Variants in VTA1 observed in about 807,000 individuals in gnomAD.
The protein encoded by VTA1 is vesicle trafficking 1, also known as vacuolar protein sorting-associated protein VTA1 homolog.
A neutral mutation model predicts 36.9 loss-of-function variants in VTA1; 24 were observed. The ratio of observed to expected loss-of-function variants is 0.65; its 90% CI spans 0.47 to 0.91. VTA1 has a LOEUF of 0.91. Among genes scored for constraint, VTA1 ranks in the 40% least tolerant of loss-of-function variants. The pLI, the probability that VTA1 is intolerant of heterozygous loss-of-function variation, is 0.00. For missense variants in VTA1, 393 were observed against 377.2 expected (o/e 1.04, Z -0.35); for synonymous variants, 142 against 130.2 (o/e 1.09, Z -0.62).
intron 4 of VTA1, among the ~76,000 whole-genome samples, chr6:142,180,635 G>A (rs1562262051): frequency 6.6e-6 from 1 of 152,098 alleles, no homozygotes; most frequent in South Asian, 2.1e-4. Context: ...ATTCAATAAT[G>A]AGAAAACTTG....
At chr6:142,185,836 G>A (rs1775329803) in intron 4 of VTA1, among the ~76,000 whole-genome samples, 1 of 152,148 alleles carries the variant, frequency 6.6e-6, no homozygotes. Flanking sequence ...AGAAATTTCA[G>A]TTAGAATCAG....
Position 142,198,434 on chromosome 6 carries a change from G to C in VTA1, c.521-5G>C. On this transcript the variant is annotated splice_region_variant and splice_polypyrimidine_tract_variant and intron_variant, in intron 5 of 7. Coordinates refer to ENST00000367630, the MANE Select transcript of VTA1 (RefSeq NM_016485.5). Reference sequence around the variant, plus strand: ...CTGTAACATTGTGTATATGTGATCTGATAGATATTGAAGAAAATGAAGATG... The same window carrying C: ...CTGTAACATTGTGTATATGTGATCTCATAGATATTGAAGAAAATGAAGATG... 6.2e-7 allele frequency: 1 copy of C among 1,613,684 alleles called. No homozygotes were observed. The highest frequency in any genetic ancestry group is 8.5e-7 in the Non-Finnish European group (1 of 1,179,766).
rs11441518 is a variant in VTA1, at chr6:142,215,440, C to CAA, written c.779-3047_779-3046dup. Among the ~76,000 whole-genome samples, 1,107 of 147,004 alleles carry CAA rather than the reference C, an allele frequency of 7.5e-3. 21 individuals carry two copies. The highest frequency in any genetic ancestry group is 0.025 in the African/African-American group (1,001 of 40,064). On this transcript the variant is annotated intron_variant, in intron 7 of 7. Coordinates refer to ENST00000367630, the MANE Select transcript of VTA1 (RefSeq NM_016485.5). ...TGGGCGACAGAGTGAGACTCCATCT[C>CAA]AAAAAAAAAAAAGTTTTTTGAGCAT...
At chr6:142,152,108 T>C (rs899253416) in intron 1 of VTA1, among the ~76,000 whole-genome samples, 1 of 140,800 alleles carries the variant, frequency 7.1e-6, no homozygotes, top group Non-Finnish European at 1.6e-5. Context: ...TTGTTATTAC[T>C]ATTTTTTTTT....
At chr6:142,185,091 C>G (rs968373908) in intron 4 of VTA1, among the ~76,000 whole-genome samples, 6 of 152,088 alleles carry the variant, frequency 3.9e-5, no homozygotes, top group African/African-American at 1.4e-4. Flanking sequence ...TTTTTCACAT[C>G]TTACCCATCT....
At chr6:142,148,116 TTATTTTG>T (rs1371435354) in intron 1 of VTA1, among the ~76,000 whole-genome samples, 1 of 152,230 alleles carries the variant, frequency 6.6e-6, no homozygotes, top group Non-Finnish European at 1.5e-5. Context: ...TGTGTTAACT[TTATTTTG>T]TATTCTGTAC....
intron 1 of VTA1, among the ~76,000 whole-genome samples, chr6:142,160,286 T>C (rs1582877728): frequency 6.6e-6 from 1 of 152,232 alleles, no homozygotes; most frequent in Non-Finnish European, 1.5e-5. Context: ...GGGTAACATA[T>C]AGAACTCTTC....
chr6:142,162,192 C>T (rs914030738), intron 1 of VTA1, among the ~76,000 whole-genome samples: 7 of 152,142 alleles, frequency 4.6e-5, no homozygotes, highest in African/African-American at 1.4e-4. Flanking sequence ...GTATGTGCTG[C>T]GTTAATTATC....
chr6:142,166,874 C>T (rs1774927792), intron 2 of VTA1, among the ~76,000 whole-genome samples: 1 of 152,332 alleles, frequency 6.6e-6, no homozygotes. Context: ...TATACACTCA[C>T]CTCAGCCTCC....
At position 142,176,986 on chromosome 6, in the gene VTA1, G is replaced by T. The variant is rs535272220; in HGVS notation, c.411+6565G>T. Among the ~76,000 whole-genome samples the T allele has an allele frequency of 3.9e-4, 59 of 152,200 alleles. No individual in the cohort carries two copies. In the Middle Eastern group the frequency reaches 0.014, roughly 35 times the overall value. ...CGTGTGTACTGGAACGTTTCAAAGT[G>T]AGCAACATCTTATTATTAGCCTAGA... is the stretch of plus-strand genomic sequence containing the variant. On this transcript the variant is annotated intron_variant, in intron 4 of 7. Coordinates refer to ENST00000367630, the MANE Select transcript of VTA1 (RefSeq NM_016485.5).
At chr6:142,150,845 G>C (rs1001167792) in intron 1 of VTA1, among the ~76,000 whole-genome samples, 1 of 151,456 alleles carries the variant, frequency 6.6e-6, no homozygotes, top group African/African-American at 2.4e-5. Context: ...CTGGGAGGCA[G>C]AAGTCGCAGT....
At chr6:142,199,781 C>G (rs1775643916) in intron 6 of VTA1, among the ~76,000 whole-genome samples, 1 of 151,978 alleles carries the variant, frequency 6.6e-6, no homozygotes. Context: ...TGTCTTCAGT[C>G]AGCATATTTG....
chr6:142,158,152 C>A (rs538918393), intron 1 of VTA1, among the ~76,000 whole-genome samples: 7 of 151,236 alleles, frequency 4.6e-5, no homozygotes, highest in Non-Finnish European at 1.0e-4. Flanking sequence ...TATGGAGTTA[C>A]ATTTATTACA....
At chr6:142,157,096 A>C (rs1035628634) in intron 1 of VTA1, among the ~76,000 whole-genome samples, 1 of 152,232 alleles carries the variant, frequency 6.6e-6, no homozygotes, top group African/African-American at 2.4e-5. Context: ...CCCAGGAGGC[A>C]GAGGTGGCAG....
intron 7 of VTA1, among the ~76,000 whole-genome samples, chr6:142,215,254 C>G (rs951139224): frequency 6.6e-6 from 1 of 151,910 alleles, no homozygotes; most frequent in African/African-American, 2.4e-5. Flanking sequence ...TTGGCTAACA[C>G]GGTGAAACCC....
intron 1 of VTA1, among the ~76,000 whole-genome samples, chr6:142,155,283 C>T (rs1044440266): frequency 6.6e-6 from 1 of 152,066 alleles, no homozygotes; most frequent in African/African-American, 2.4e-5. Flanking sequence ...TGTAGAGTAT[C>T]TAATTCAGTA....
intron 1 of VTA1, among the ~76,000 whole-genome samples, chr6:142,161,848 AT>A (rs989474792): frequency 1.3e-5 from 2 of 152,084 alleles, no homozygotes; most frequent in Non-Finnish European, 2.9e-5. Context: ...AATTCAAGGA[AT>A]TTTCCTTTTT....
chr6:142,193,790 TGC>T (rs1775496405), intron 5 of VTA1, among the ~76,000 whole-genome samples: 2 of 151,948 alleles, frequency 1.3e-5, no homozygotes, highest in Non-Finnish European at 1.5e-5. Flanking sequence ...AGAAGCAGTT[TGC>T]TTTCATCTGG....
chr6:142,168,701 ATCT>A (rs1774969200), intron 2 of VTA1, among the ~76,000 whole-genome samples: 1 of 149,916 alleles, frequency 6.7e-6, no homozygotes, highest in African/African-American at 2.4e-5. Context: ...TTTGAATTAG[ATCT>A]TTTTTGTTTT....
Sources: allele counts gnomAD v4.1 joint callset (sites outside exome capture counted in the v4.1 genomes callset), GRCh38; gene constraint gnomAD v4.1.1; transcripts MANE v1.5; gene names NCBI Gene and HGNC (gene_info 2026-07-23, HGNC 2026-07-21).